Variants in ZP3 observed in about 807,000 individuals in gnomAD.
ZP3 encodes zona pellucida glycoprotein 3, also known as zona pellucida sperm-binding protein 3.
Under a neutral mutation model 35.6 loss-of-function variants are expected in ZP3, and 21 were observed. The ratio of observed to expected loss-of-function variants is 0.59; its 90% confidence interval spans 0.42 to 0.85. The LOEUF (loss-of-function observed/expected upper bound fraction) is 0.85, where lower values mean the gene tolerates loss of function less well. Among genes scored for constraint, ZP3 ranks in the 40% least tolerant of loss-of-function variants. ZP3 has a pLI of 0.00. For synonymous variants in ZP3, 207 were observed against 214.5 expected (o/e 0.96, Z 0.31); for missense variants, 437 against 536.5 (o/e 0.81, Z 1.83).
intron 1 of ZP3, among the ~76,000 whole-genome samples, chr7:76,426,809 C>T (rs1008062134): frequency 6.6e-6 from 1 of 150,802 alleles, no homozygotes; most frequent in African/African-American, 2.4e-5. Context: ...ATGGGAGGAT[C>T]ACTTGGGCCC....
intron 5 of ZP3, among the ~76,000 whole-genome samples, chr7:76,437,994 G>A (rs1228110017): frequency 3.3e-5 from 5 of 152,224 alleles, no homozygotes; most frequent in African/African-American, 1.2e-4. Flanking sequence ...TGCTAAACTG[G>A]CTTGTTTCTA....
intron 1 of ZP3, chr7:76,398,785 G>T: frequency 6.2e-7 from 1 of 1,612,748 alleles, no homozygotes; most frequent in Non-Finnish European, 8.5e-7. Flanking sequence ...TGGGGGCTGC[G>T]TTGGCAAGAA....
intron 1 of ZP3, 51 bp downstream of exon 1, chr7:76,425,327 C>T (rs2286429): frequency 1.9e-5 from 30 of 1,548,388 alleles, no homozygotes; most frequent in Admixed American, 7.1e-5. Context: ...TCGAGGCAGC[C>T]GGGTATGGGG....
At position 76,416,945 on chromosome 7, in the gene ZP3, C is replaced by CATATATATATAT. The variant is rs35169816; in HGVS notation, c.-66-8089_-66-8078dup. ...ATATACACATACATATGTATACATACATATATATATATATATATATATATA... is the reference window on the plus strand; with the variant it reads ...ATATACACATACATATGTATACATACATATATATATATATATATATATATATATATATATATA... On this transcript the variant is annotated intron_variant, in intron 1 of 8. Coordinates refer to the ZP3 transcript ENST00000336517. 3.3e-3 allele frequency among the ~76,000 whole-genome samples: 239 copies of CATATATATATAT among 73,224 alleles called. 1 individual carries two copies. Among genetic ancestry groups the CATATATATATAT allele is most frequent in the Middle Eastern group, 8.8e-3 (1 of 114 alleles). 48.0% of individuals were successfully genotyped at this position (73,224 alleles called of 152,430 possible).
upstream of ZP3, among the ~76,000 whole-genome samples, chr7:76,420,132 C>T (rs1284746708): frequency 6.6e-6 from 1 of 151,032 alleles, no homozygotes; most frequent in Non-Finnish European, 1.5e-5. Flanking sequence ...CCCCTCCTCC[C>T]CTTCCTCTTC....
chr7:76,431,028 G>A (rs1805811784), intron 2 of ZP3, among the ~76,000 whole-genome samples: 4 of 152,196 alleles, frequency 2.6e-5, no homozygotes, highest in South Asian at 2.1e-4. Context: ...TGCCCCTCCT[G>A]GAATGGGTGA....
intron 5 of ZP3, among the ~76,000 whole-genome samples, chr7:76,436,504 A>C (rs1464229767): frequency 6.6e-6 from 1 of 152,270 alleles, no homozygotes; most frequent in Non-Finnish European, 1.5e-5. Context: ...TTAAGGGACA[A>C]AGTAGAAACT....
upstream of ZP3, among the ~76,000 whole-genome samples, chr7:76,422,403 G>T (rs1308260938): frequency 1.3e-5 from 2 of 152,108 alleles, no homozygotes; most frequent in Non-Finnish European, 2.9e-5. Context: ...AGGTGGCCAG[G>T]CGCGGTGGCT....
chr7:76,419,276 C>T (rs1156269258), intron 1 of ZP3, among the ~76,000 whole-genome samples: 1 of 152,156 alleles, frequency 6.6e-6, no homozygotes, highest in African/African-American at 2.4e-5. Flanking sequence ...GCTCACTCTG[C>T]CCTGAAGATC....
At position 76,433,484 on chromosome 7, in the gene ZP3, G is replaced by A. The variant is rs1805898280; in HGVS notation, c.550G>A (p.Glu184Lys). 3 of 1,613,344 alleles carry A rather than the reference G, an allele frequency of 1.9e-6. No homozygotes were observed. Among genetic ancestry groups the A allele is most frequent in the Non-Finnish European group, 2.5e-6 (3 of 1,179,704 alleles). ...GTGTCTTTCAGAGAACTGGAACGCT[G>A]AGAAGAGGTCCCCCACCTTCCACCT... ...LRLMEENWNA[E>K]KRSPTFHLGD... The change falls in exon 4 of 8, where the codon GAG becomes AAG. Residue 184 changes from glutamate (E) to lysine (K), a missense_variant. This residue lies in a region of ZP3 where 352 missense variants were observed against 308.4 expected (regional missense o/e 1.14). Transcript: ENST00000394857.
intron 1 of ZP3, among the ~76,000 whole-genome samples, chr7:76,408,314 A>T (rs1237532835): frequency 1.3e-5 from 2 of 152,098 alleles, no homozygotes; most frequent in Non-Finnish European, 2.9e-5. Flanking sequence ...GACAGCCCCC[A>T]GTGGAATAAT....
At chr7:76,397,754 C>A in exon 1 of ZP3, 1 of 1,613,060 alleles carries the variant, frequency 6.2e-7, no homozygotes, top group East Asian at 2.2e-5. Flanking sequence ...ACACACGGTG[C>A]CCCACAGGCC....
chr7:76,425,312 G>T, intron 1 of ZP3, 36 bp downstream of exon 1: 15 of 1,571,482 alleles, frequency 9.5e-6, no homozygotes, highest in Non-Finnish European at 1.2e-5. Context: ...TTGGTGGGAG[G>T]ATGTTCGAGG....
chr7:76,404,091 AT>A, intron 1 of ZP3, among the ~76,000 whole-genome samples: 1 of 152,014 alleles, frequency 6.6e-6, no homozygotes, highest in Non-Finnish European at 1.5e-5. Context: ...CTAACTGCCC[AT>A]TCCATGGGTG....
At position 76,425,282 on chromosome 7, in the gene ZP3, A is replaced by C; in HGVS notation, c.312+6A>C. 6.3e-7 allele frequency: 1 copy of C among 1,597,312 alleles called. No individual in the cohort carries two copies. The highest frequency in any genetic ancestry group is 1.3e-5 in the African/African-American group (1 of 74,664). On this transcript the variant is annotated splice_donor_region_variant and intron_variant, in intron 1 of 7. Transcript: ENST00000394857. ...AGTGTGGCAACAGCATGCAGGTAAG[A>C]GAGGCTGGGGGCCCTGGCTTTGGTG...
chr7:76,400,357 C>T, intron 1 of ZP3: 1 of 1,563,626 alleles, frequency 6.4e-7, no homozygotes, highest in Non-Finnish European at 8.7e-7. Context: ...GCCGCACTCG[C>T]TCAGCGCAGC....
chr7:76,400,954 C>A, intron 1 of ZP3: 2 of 1,550,062 alleles, frequency 1.3e-6, no homozygotes, highest in East Asian at 2.4e-5. Flanking sequence ...CTGTCTGAGG[C>A]TGGAGTACCT....
chr7:76,417,202 C>T (rs940774237), intron 1 of ZP3, among the ~76,000 whole-genome samples: 2 of 151,930 alleles, frequency 1.3e-5, no homozygotes, highest in African/African-American at 2.4e-5. Flanking sequence ...GGATTACAGG[C>T]ATGCACCACC....
chr7:76,428,257 G>T (rs1175624548), intron 1 of ZP3, among the ~76,000 whole-genome samples: 10 of 152,186 alleles, frequency 6.6e-5, no homozygotes, highest in Admixed American at 2.0e-4. Flanking sequence ...GGAGGCGGAG[G>T]TTGCAGTGAG....
Sources: gnomAD v4.1 joint callset for allele counts (sites outside exome capture counted in the v4.1 genomes callset) on GRCh38, gnomAD v4.1.1 for gene constraint, gnomAD v4.1.1 regional missense constraint, MANE v1.5 for transcripts, NCBI Gene and HGNC (gene_info 2026-07-23, HGNC 2026-07-21) for gene names.